Variants in SMOC2 observed in about 807,000 individuals in gnomAD.
SMOC2 encodes the protein SPARC related modular calcium binding 2, also known as SPARC-related modular calcium-binding protein 2.
Under a neutral mutation model 61.4 loss-of-function variants are expected in SMOC2, and 39 were observed. That is an observed-to-expected ratio of 0.64 (90% CI 0.49 to 0.83). The LOEUF is 0.83. Ranked by LOEUF, SMOC2 falls within the 40% of genes least tolerant of loss-of-function variation. SMOC2 has a pLI of 0.00. For synonymous variants in SMOC2, 247 were observed against 239.9 expected, an observed-to-expected ratio of 1.03 and a Z score of -0.27; for missense variants, 556 against 592.9, an observed-to-expected ratio of 0.94 and a Z score of 0.65.
intron 8 of SMOC2, 110 bp downstream of exon 8, chr6:168,599,114 ACACACTCACACT>A (rs200881398): frequency 6.3e-6 from 6 of 957,304 alleles, no homozygotes; most frequent in Non-Finnish European, 9.1e-6. Flanking sequence ...ACAGTCACAC[ACACACTCACACT>A]CACACACACT....
At chr6:168,541,011 C>T (rs1783866438) in intron 4 of SMOC2, among the ~76,000 whole-genome samples, 1 of 152,226 alleles carries the variant, frequency 6.6e-6, no homozygotes, top group Non-Finnish European at 1.5e-5. Flanking sequence ...CTGGGCTGTT[C>T]TGGTAACACG....
intron 7 of SMOC2, among the ~76,000 whole-genome samples, 176 bp from the exon 8 acceptor site, chr6:168,598,642 G>A (rs1182080474): frequency 1.3e-5 from 2 of 152,156 alleles, no homozygotes; most frequent in African/African-American, 4.8e-5. Context: ...TGCGGGAACT[G>A]GAGCCATGTG....
At chr6:168,606,058 G>A (rs1380332057) in intron 8 of SMOC2, among the ~76,000 whole-genome samples, 2 of 152,140 alleles carry the variant, frequency 1.3e-5, no homozygotes, top group African/African-American at 4.8e-5. Flanking sequence ...AGCCCTCAGA[G>A]TGCCCTAGTT....
intron 7 of SMOC2, among the ~76,000 whole-genome samples, chr6:168,562,702 A>T (rs1490114863): frequency 6.6e-6 from 1 of 152,184 alleles, no homozygotes; most frequent in African/African-American, 2.4e-5. Context: ...AGGACGGCTT[A>T]AAATGGTGAA....
chr6:168,484,139 A>C (rs1782275512), intron 1 of SMOC2, among the ~76,000 whole-genome samples: 2 of 152,218 alleles, frequency 1.3e-5, no homozygotes, highest in African/African-American at 4.8e-5. Context: ...GACACTATCA[A>C]CACAGTACAA....
At chr6:168,568,052 G>A (rs1361189616) in intron 7 of SMOC2, among the ~76,000 whole-genome samples, 2 of 150,482 alleles carry the variant, frequency 1.3e-5, no homozygotes, top group African/African-American at 2.5e-5. Context: ...GCAGCCACAG[G>A]CGAAGACTGG....
chr6:168,460,011 G>A (rs1422582173), intron 1 of SMOC2, among the ~76,000 whole-genome samples: 1 of 152,116 alleles, frequency 6.6e-6, no homozygotes, highest in East Asian at 1.9e-4. Flanking sequence ...CCTGATCAAT[G>A]TTTCTCTCAC....
At chr6:168,616,758 A>G (rs117326717) in intron 9 of SMOC2, among the ~76,000 whole-genome samples, 3,431 of 152,332 alleles carry the variant, frequency 0.023, 50 homozygotes, top group Non-Finnish European at 0.036. Context: ...AAAACCACAC[A>G]TATAATTGCC....
rs772728138 is a variant in SMOC2 at position 168,526,318 on chromosome 6, C to T, written c.257-28C>T. On this transcript the variant is annotated intron_variant, in intron 2 of 12. Coordinates refer to ENST00000356284, the MANE Select transcript of SMOC2 (RefSeq NM_001166412.2). ...TTCTATCTTCTTCCCATTGCATAAC[C>T]ACACCTCTGCCCTGTTCTTCCCTAC... 5 of 1,587,126 alleles carry T rather than the reference C, an allele frequency of 3.2e-6. No homozygotes were observed. The East Asian group carries it at 1.1e-4, about 35-fold the overall frequency.
intron 7 of SMOC2, among the ~76,000 whole-genome samples, chr6:168,594,123 T>C (rs1785250368): frequency 1.8e-5 from 1 of 55,222 alleles, no homozygotes; most frequent in Admixed American, 1.3e-4. Flanking sequence ...GGCATCTTTC[T>C]AGAGGATCGC....
Position 168,529,015 on chromosome 6 carries a change from G to A in SMOC2, c.463+1288G>A, listed in dbSNP as rs73791057. On this transcript the variant is annotated intron_variant, in intron 4 of 12. Coordinates refer to ENST00000356284, the MANE Select transcript of SMOC2 (RefSeq NM_001166412.2). ...AGTGGGGATAGGGGCATCTATTTCCGTTGCTTTAGTGATATCATCTGATAA... is the reference window on the plus strand; with the variant it reads ...AGTGGGGATAGGGGCATCTATTTCCATTGCTTTAGTGATATCATCTGATAA... 4.2e-3 allele frequency among the ~76,000 whole-genome samples: 641 copies of A among 152,236 alleles called. 2 individuals carry two copies. Among genetic ancestry groups the A allele is most frequent in the African/African-American group, 0.014 (581 of 41,548 alleles).
intron 6 of SMOC2, among the ~76,000 whole-genome samples, chr6:168,547,549 A>G (rs1784036088): frequency 6.6e-6 from 1 of 152,054 alleles, no homozygotes; most frequent in South Asian, 2.1e-4. Context: ...ATGGCATACC[A>G]CACATCCAGC....
At chr6:168,604,448 T>G (rs1785635444) in intron 8 of SMOC2, among the ~76,000 whole-genome samples, 1 of 152,180 alleles carries the variant, frequency 6.6e-6, no homozygotes, top group Admixed American at 6.5e-5. Context: ...ACAGCCAGCT[T>G]CACCATTCCT....
chr6:168,653,211 A>G lies in SMOC2; in HGVS notation c.1268A>G (p.Asp423Gly), dbSNP rs1048636985. The change falls in exon 11 of 13, where the codon GAC (aspartate) becomes GGC (glycine). Residue 423 changes from aspartate (D) to glycine (G), a missense_variant. Physicochemically the swap from Asp to Gly is moderately conservative, Grantham distance 94 (BLOSUM62 -1). Transcript: ENST00000356284. ...GTGGCGAAAGAGGACGGCAAAGCGGACACCAAGAAACGCCACAGTAAGAGC... is the reference window on the plus strand; with the variant it reads ...GTGGCGAAAGAGGACGGCAAAGCGGGCACCAAGAAACGCCACAGTAAGAGC... Reference protein sequence around the residue: ...LGVAKEDGKADTKKRHTPRGH... With the variant: ...LGVAKEDGKAGTKKRHTPRGH... The G allele has an allele frequency of 1.2e-6, 2 of 1,612,914 alleles. No individual in the cohort carries two copies. The highest frequency in any genetic ancestry group is 3.3e-5 in the Admixed American group (2 of 59,808).
intron 9 of SMOC2, among the ~76,000 whole-genome samples, chr6:168,637,733 T>C (rs1272854091): frequency 1.3e-5 from 2 of 152,212 alleles, no homozygotes; most frequent in African/African-American, 4.8e-5. Context: ...TAAAAACTGC[T>C]TCTTCCAAAC....
chr6:168,631,512 G>C (rs1786568969), intron 9 of SMOC2, among the ~76,000 whole-genome samples: 2 of 152,206 alleles, frequency 1.3e-5, no homozygotes, highest in Admixed American at 6.5e-5. Flanking sequence ...GTGGAGAATA[G>C]ATGATGTTCC....
chr6:168,634,206 G>A (rs909184293), intron 9 of SMOC2, among the ~76,000 whole-genome samples: 2 of 152,114 alleles, frequency 1.3e-5, no homozygotes, highest in Admixed American at 1.3e-4. Context: ...GATTTCTAGA[G>A]CCTGTAGTCT....
intron 9 of SMOC2, among the ~76,000 whole-genome samples, chr6:168,621,355 G>A (rs1786240294): frequency 6.6e-6 from 1 of 152,208 alleles, no homozygotes; most frequent in Non-Finnish European, 1.5e-5. Context: ...CCCAGTGTCA[G>A]ATTTCTGATT....
At chr6:168,540,740 G>A (rs1414082012) in intron 4 of SMOC2, among the ~76,000 whole-genome samples, 2 of 152,172 alleles carry the variant, frequency 1.3e-5, no homozygotes, top group African/African-American at 4.8e-5. Context: ...ACCAGAGAAC[G>A]CAGCCCTTGC....
Sources: allele counts gnomAD v4.1 joint callset (sites outside exome capture counted in the v4.1 genomes callset), GRCh38; gene constraint gnomAD v4.1.1; transcripts MANE v1.5; gene names NCBI Gene and HGNC (gene_info 2026-07-23, HGNC 2026-07-21).